The following ZNF652 variants were observed in gnomAD, a reference collection of about 807,000 sequenced individuals.
The protein encoded by ZNF652 is zinc finger protein 652.
In ZNF652, 16 loss-of-function variants were observed where a neutral mutation model predicts 45.2. That is an observed-to-expected ratio of 0.35 (90% CI 0.24 to 0.54). The LOEUF (loss-of-function observed/expected upper bound fraction) is 0.54, where lower values mean the gene tolerates loss of function less well. ZNF652 is among the 20% of genes least tolerant of loss of function. The pLI is 0.91. For synonymous variants in ZNF652, 250 were observed against 260.6 expected (o/e 0.96, Z 0.39); for missense variants, 614 against 765.6 (o/e 0.80, Z 2.34).
downstream of ZNF652, among the ~76,000 whole-genome samples, chr17:49,288,882 C>T: frequency 6.6e-6 from 1 of 152,126 alleles, no homozygotes; most frequent in East Asian, 1.9e-4. Flanking sequence ...AATCCTGATC[C>T]TTTTTCCAAA....
At chr17:49,321,266 T>C (rs1023542464) in intron 1 of ZNF652, among the ~76,000 whole-genome samples, 2 of 151,678 alleles carry the variant, frequency 1.3e-5, no homozygotes, top group African/African-American at 2.4e-5. Context: ...TGGTGTTTTT[T>C]GTTTTGTTTT....
chr17:49,317,552 A>C lies in ZNF652; in HGVS notation c.174T>G (p.Pro58=). The part of the protein sequence containing the change: ...TKVYKRESGS[P]YSVLVDTKMS... The stretch of plus-strand genomic sequence containing the variant: ...TCTTGGTGTCCACTAACACAGAATA[A>C]GGACTTCCTGATTCCCTTTTGTACA... Residue 58 remains proline (P), a synonymous_variant, in exon 2 of 6, where the codon CCT becomes CCG. Coordinates refer to ENST00000430262, the MANE Select transcript of ZNF652 (RefSeq NM_001145365.3). 1 of 1,614,144 alleles carries C rather than the reference A, an allele frequency of 6.2e-7. No individual in the cohort carries two copies. Among genetic ancestry groups the C allele is most frequent in the African/African-American group, 1.3e-5 (1 of 75,034 alleles).
Position 49,293,137 on chromosome 17 carries a change from T to TA in ZNF652, c.*5275dup, listed in dbSNP as rs1303321076. Among the ~76,000 whole-genome samples the TA allele has an allele frequency of 9.2e-5, 14 of 152,286 alleles. No individual in the cohort carries two copies. The highest frequency in any genetic ancestry group is 2.9e-4 in the African/African-American group (12 of 41,572). On this transcript the variant is annotated 3_prime_UTR_variant, in exon 6 of 6. Coordinates refer to ENST00000430262, the MANE Select transcript of ZNF652 (RefSeq NM_001145365.3). ...CATACATATATTATTGAGTAATACATAGAGTAACAAAGCAGAAAGAAAGCC... is the reference window on the plus strand; with the variant it reads ...CATACATATATTATTGAGTAATACATAAGAGTAACAAAGCAGAAAGAAAGCC...
intron 1 of ZNF652, among the ~76,000 whole-genome samples, chr17:49,327,769 ATATATATATATTTT>A (rs2069978468): frequency 4.4e-4 from 2 of 4,572 alleles, no homozygotes; most frequent in African/African-American, 1.5e-3. Flanking sequence ...ATATATATAT[ATATATATATATTTT>A]TTTTTTTTTT....
At chr17:49,324,260 C>T (rs900632446) in intron 1 of ZNF652, among the ~76,000 whole-genome samples, 11 of 152,216 alleles carry the variant, frequency 7.2e-5, no homozygotes, top group Admixed American at 4.6e-4. Flanking sequence ...CCTCACTTCT[C>T]GGCCTTCAAA....
chr17:49,337,175 A>T (rs1254098908), intron 1 of ZNF652, among the ~76,000 whole-genome samples: 6 of 151,322 alleles, frequency 4.0e-5, no homozygotes, highest in Non-Finnish European at 8.8e-5. Flanking sequence ...GTCTACAAAA[A>T]TTTTTTAAAA....
In ZNF652 at chr17:49,297,472, C is replaced by T. The variant is rs1018764561; in HGVS notation, c.*941G>A. The T allele has an allele frequency of 5.9e-5, 9 of 152,386 alleles. No individual in the cohort carries two copies. The highest frequency in any genetic ancestry group is 2.2e-4 in the African/African-American group (9 of 41,418). 9.4% of individuals were successfully genotyped at this position (152,386 alleles called of 1,614,324 possible). A position where few individuals can be genotyped will look rare whatever the true frequency, so the allele number is the denominator to read the frequency against. On this transcript the variant is annotated 3_prime_UTR_variant, in exon 6 of 6. Coordinates refer to ENST00000430262, the MANE Select transcript of ZNF652 (RefSeq NM_001145365.3). Reference sequence around the variant, plus strand: ...CAAATCATTTCATGTAATGCACTAACGAAGCCAAGCAGAACATGGAGGACA... The same window carrying T: ...CAAATCATTTCATGTAATGCACTAATGAAGCCAAGCAGAACATGGAGGACA...
chr17:49,300,630 G>A (rs1009217600), intron 5 of ZNF652, among the ~76,000 whole-genome samples: 3 of 152,240 alleles, frequency 2.0e-5, no homozygotes, highest in Admixed American at 2.0e-4. Context: ...TGAACCATAC[G>A]CTTGTACTGA....
At chr17:49,347,740 G>GGTTT (rs2070220659) in intron 1 of ZNF652, among the ~76,000 whole-genome samples, 2 of 81,216 alleles carry the variant, frequency 2.5e-5, no homozygotes, top group African/African-American at 9.5e-5. Flanking sequence ...CCTTGGTTTT[G>GGTTT]TTTTTTTTTT....
At chr17:49,344,939 A>T (rs2143049961) in intron 1 of ZNF652, among the ~76,000 whole-genome samples, 1 of 152,090 alleles carries the variant, frequency 6.6e-6, no homozygotes, top group South Asian at 2.1e-4. Context: ...TCCTTCCCCA[A>T]CTCCCACCTA....
intron 1 of ZNF652, among the ~76,000 whole-genome samples, chr17:49,361,640 A>G (rs1048883842): frequency 6.6e-6 from 1 of 152,016 alleles, no homozygotes; most frequent in African/African-American, 2.4e-5. Flanking sequence ...ACCCGCTGCA[A>G]AACTGCAGCC....
chr17:49,323,388 G>A (rs979529405), intron 1 of ZNF652, among the ~76,000 whole-genome samples: 1 of 152,186 alleles, frequency 6.6e-6, no homozygotes, highest in Non-Finnish European at 1.5e-5. Context: ...CACCACATCT[G>A]CAGTGACTTC....
intron 5 of ZNF652, among the ~76,000 whole-genome samples, chr17:49,310,644 G>A (rs1382450240): frequency 4.6e-5 from 7 of 152,222 alleles, no homozygotes; most frequent in African/African-American, 1.7e-4. Context: ...GCTCACACCT[G>A]TAATCCCAGC....
intron 1 of ZNF652, among the ~76,000 whole-genome samples, chr17:49,331,363 C>T (rs1355018800): frequency 6.6e-6 from 1 of 151,980 alleles, no homozygotes; most frequent in Non-Finnish European, 1.5e-5. Context: ...CCTCGTGATC[C>T]ACCCACCTCG....
At chr17:49,357,428 T>C (rs1455040086) in intron 1 of ZNF652, among the ~76,000 whole-genome samples, 2 of 152,090 alleles carry the variant, frequency 1.3e-5, no homozygotes, top group Non-Finnish European at 2.9e-5. Flanking sequence ...GTAAAGACAC[T>C]CTACTTTTCT....
At position 49,317,955 on chromosome 17, in the gene ZNF652, G is replaced by T; in HGVS notation, c.-230C>A. 2.4e-6 allele frequency: 1 copy of T among 425,382 alleles called. No individual in the cohort carries two copies. The highest frequency in any genetic ancestry group is 4.1e-6 in the Non-Finnish European group (1 of 244,496). 26.4% of individuals were successfully genotyped at this position (425,382 alleles called of 1,614,324 possible). On this transcript the variant is annotated 5_prime_UTR_variant, in exon 2 of 6. Coordinates refer to ENST00000430262, the MANE Select transcript of ZNF652 (RefSeq NM_001145365.3). ...GCACTAGTGATTTTTCTTCTGAAGA[G>T]AGCTGCAAGGGACTTGGGAGCATCT... is the stretch of plus-strand genomic sequence containing the variant.
Position 49,294,806 on chromosome 17 carries a change from CA to C in ZNF652, c.*3606del, listed in dbSNP as rs2069449796. 6.6e-6 allele frequency: 1 copy of C among 152,190 alleles called. No individual in the cohort carries two copies. 9.4% of individuals were successfully genotyped at this position (152,190 alleles called of 1,614,324 possible). On this transcript the variant is annotated 3_prime_UTR_variant, in exon 6 of 6. Coordinates refer to ENST00000430262, the MANE Select transcript of ZNF652 (RefSeq NM_001145365.3). ...TTGTTATCTATATAATGCTTAAATG[CA>C]GCCTTTGTTGTCTTTAACAGACATG...
At chr17:49,337,353 A>C (rs977292233) in intron 1 of ZNF652, among the ~76,000 whole-genome samples, 1 of 149,968 alleles carries the variant, frequency 6.7e-6, no homozygotes, top group African/African-American at 2.4e-5. Context: ...AAAAAAAAAA[A>C]AGAAAAAAGA....
chr17:49,333,342 C>G (rs948859840), intron 1 of ZNF652, among the ~76,000 whole-genome samples: 1 of 149,970 alleles, frequency 6.7e-6, no homozygotes, highest in Non-Finnish European at 1.5e-5. Context: ...CAGGCATGAG[C>G]CACTGCACCC....
Sources: gnomAD v4.1 joint callset for allele counts (sites outside exome capture counted in the v4.1 genomes callset) on GRCh38, gnomAD v4.1.1 for gene constraint, MANE v1.5 for transcripts, NCBI Gene and HGNC (gene_info 2026-07-23, HGNC 2026-07-21) for gene names.